CYRIB: variants seen among roughly 807,000 people sequenced by gnomAD.
CYRIB encodes CYFIP-related Rac1 interactor B.
A neutral mutation model predicts 44.2 loss-of-function variants in CYRIB; 8 were observed. The ratio of observed to expected loss-of-function variants is 0.18; its 90% CI spans 0.11 to 0.33. The LOEUF is 0.33. CYRIB is among the 10% of genes least tolerant of loss of function. The pLI is 1.00. For synonymous variants in CYRIB, 131 were observed against 127.2 expected, an observed-to-expected ratio of 1.03 and a Z score of -0.20; for missense variants, 185 against 382.8, an observed-to-expected ratio of 0.48 and a Z score of 4.31.
At chr8:129,936,757 A>T (rs1214616984) in intron 1 of CYRIB, among the ~76,000 whole-genome samples, 1 of 130,260 alleles carries the variant, frequency 7.7e-6, no homozygotes, top group African/African-American at 3.0e-5. Flanking sequence ...CCCAGGCTGG[A>T]GTGCAGTGGC....
At chr8:129,909,114 T>C (rs1179608907) in intron 1 of CYRIB, among the ~76,000 whole-genome samples, 1 of 152,130 alleles carries the variant, frequency 6.6e-6, no homozygotes, top group East Asian at 1.9e-4. Flanking sequence ...ATCTCTATTG[T>C]AAACCCATGC....
intron 2 of CYRIB, among the ~76,000 whole-genome samples, chr8:129,946,583 G>A (rs751692648): frequency 3.9e-5 from 6 of 152,096 alleles, no homozygotes; most frequent in Non-Finnish European, 5.9e-5. Context: ...CATCAGAGCC[G>A]CTATTCAAAA....
chr8:129,991,644 C>T (rs2096635374), intron 1 of CYRIB, among the ~76,000 whole-genome samples: 1 of 151,948 alleles, frequency 6.6e-6, no homozygotes, highest in Non-Finnish European at 1.5e-5. Context: ...TCTCAGCCTC[C>T]AGAACTGTAA....
intron 1 of CYRIB, among the ~76,000 whole-genome samples, chr8:129,986,678 C>A (rs957856597): frequency 6.6e-6 from 1 of 152,114 alleles, no homozygotes; most frequent in Non-Finnish European, 1.5e-5. Flanking sequence ...AGATTCCCCA[C>A]CAGCAAGAAG....
At chr8:129,893,716 ATAGAGATGG>A (rs1342638924) in intron 2 of CYRIB, among the ~76,000 whole-genome samples, 1 of 152,006 alleles carries the variant, frequency 6.6e-6, no homozygotes, top group African/African-American at 2.4e-5. Flanking sequence ...AAATTATTAG[ATAGAGATGG>A]GTTCTCGCTA....
chr8:129,870,803 G>T (rs2056857248), intron 4 of CYRIB, among the ~76,000 whole-genome samples: 1 of 151,964 alleles, frequency 6.6e-6, no homozygotes, highest in South Asian at 2.1e-4. Flanking sequence ...CTACGGGGAA[G>T]AATTCAGTAA....
At chr8:130,014,880 G>A (rs891796723) in intron 1 of CYRIB, among the ~76,000 whole-genome samples, 1 of 152,126 alleles carries the variant, frequency 6.6e-6, no homozygotes, top group Non-Finnish European at 1.5e-5. Flanking sequence ...ACCTCTTCCG[G>A]GCTTCCCCCA....
chr8:129,888,401 T>C (rs991275023), intron 2 of CYRIB, among the ~76,000 whole-genome samples: 5 of 152,212 alleles, frequency 3.3e-5, no homozygotes, highest in South Asian at 2.1e-4. Flanking sequence ...TTCATAGCAA[T>C]GTGAGAACAG....
chr8:129,882,649 T>C (rs2061210659), intron 2 of CYRIB, among the ~76,000 whole-genome samples: 1 of 152,170 alleles, frequency 6.6e-6, no homozygotes, highest in Non-Finnish European at 1.5e-5. Context: ...TTTTTACGTG[T>C]ATGCACACAG....
chr8:129,983,858 G>GC, intron 1 of CYRIB, among the ~76,000 whole-genome samples: 2 of 152,358 alleles, frequency 1.3e-5, no homozygotes, highest in Middle Eastern at 6.8e-3. Flanking sequence ...CCGAAGCGCT[G>GC]CCCCATAAAG....
At chr8:129,992,958 T>C (rs1355878176) in intron 1 of CYRIB, among the ~76,000 whole-genome samples, 1 of 152,154 alleles carries the variant, frequency 6.6e-6, no homozygotes, top group Non-Finnish European at 1.5e-5. Flanking sequence ...ACCTTTCCTC[T>C]CTGGTAGCAT....
In CYRIB at chr8:129,936,998, C is replaced by G. The variant is rs539481398; in HGVS notation, c.-50+2610G>C. ...TTGGGATTACAGGCGTGAGCCACTG[C>G]GCCCAGCCAGCAGTCTTAAAAATAT... On this transcript the variant is annotated intron_variant, in intron 1 of 11. Coordinates refer to ENST00000519824, the Ensembl canonical transcript of CYRIB. Among the ~76,000 whole-genome samples, 7 of 152,290 alleles carry G rather than the reference C, an allele frequency of 4.6e-5. No individual in the cohort carries two copies. In the South Asian group the frequency reaches 8.3e-4, roughly 18 times the overall value.
At chr8:129,998,008 C>A (rs1358299858) in intron 1 of CYRIB, among the ~76,000 whole-genome samples, 1 of 151,420 alleles carries the variant, frequency 6.6e-6, no homozygotes, top group African/African-American at 2.4e-5. Flanking sequence ...GTAGTCCCAG[C>A]TACTCAGGGG....
intron 1 of CYRIB, among the ~76,000 whole-genome samples, chr8:129,988,071 C>T (rs1476599574): frequency 1.3e-5 from 2 of 152,152 alleles, no homozygotes; most frequent in Non-Finnish European, 2.9e-5. Context: ...TTTTAATGAG[C>T]GCCTGGATGC....
At chr8:129,921,662 C>A (rs1187710123) in intron 1 of CYRIB, among the ~76,000 whole-genome samples, 1 of 152,128 alleles carries the variant, frequency 6.6e-6, no homozygotes, top group Non-Finnish European at 1.5e-5. Flanking sequence ...AATTTAGTAT[C>A]ACCAAAAATG....
At chr8:129,894,931 T>A (rs2954992) in intron 2 of CYRIB, among the ~76,000 whole-genome samples, 3,065 of 149,676 alleles carry the variant, frequency 0.02, 42 homozygotes, top group Non-Finnish European at 0.032. Flanking sequence ...ATATATATAT[T>A]TTTTTAATTA....
intron 1 of CYRIB, among the ~76,000 whole-genome samples, chr8:129,906,059 T>C (rs1414145883): frequency 2.6e-5 from 4 of 152,074 alleles, no homozygotes; most frequent in African/African-American, 9.7e-5. Flanking sequence ...GCCATCCCCA[T>C]CAAGCTACCA....
chr8:129,944,580 C>T (rs573459835), upstream of CYRIB, among the ~76,000 whole-genome samples: 5 of 152,086 alleles, frequency 3.3e-5, 1 homozygote, highest in Admixed American at 2.0e-4. Flanking sequence ...TCCAGGAGTT[C>T]GAGACCAGCC....
intron 4 of CYRIB, among the ~76,000 whole-genome samples, chr8:129,865,873 T>C (rs1387871285): frequency 6.6e-6 from 1 of 152,194 alleles, no homozygotes; most frequent in Non-Finnish European, 1.5e-5. Context: ...AGTGTGAGGG[T>C]AGAAAAAGTC....
Sources: gnomAD v4.1 joint callset for allele counts (sites outside exome capture counted in the v4.1 genomes callset) on GRCh38, gnomAD v4.1.1 for gene constraint, MANE v1.5 for transcripts, NCBI Gene and HGNC (gene_info 2026-07-23, HGNC 2026-07-21) for gene names.